The following EXT1 variants were observed in gnomAD, a reference collection of about 807,000 sequenced individuals.
The protein encoded by EXT1 is exostosin glycosyltransferase 1, also known as exostosin-1.
In EXT1, 20 loss-of-function variants were observed where a neutral mutation model predicts 82.5. The ratio of observed to expected loss-of-function variants is 0.24; its 90% CI spans 0.17 to 0.35. EXT1 has a LOEUF of 0.35. Among genes scored for constraint, EXT1 ranks in the 10% least tolerant of loss-of-function variants. The pLI, the probability that EXT1 is intolerant of heterozygous loss-of-function variation, is 1.00. For missense variants in EXT1, 757 were observed against 936.5 expected (o/e 0.81, Z 2.50); for synonymous variants, 348 against 350.8 (o/e 0.99, Z 0.09).
intron 1 of EXT1, among the ~76,000 whole-genome samples, chr8:117,978,109 G>A (rs1229581749): frequency 6.6e-6 from 1 of 152,198 alleles, no homozygotes; most frequent in African/African-American, 2.4e-5. Flanking sequence ...TCCCCAGGAT[G>A]TACAGGTGTC....
At chr8:117,873,581 G>C (rs917177610) in intron 1 of EXT1, among the ~76,000 whole-genome samples, 1 of 149,524 alleles carries the variant, frequency 6.7e-6, no homozygotes, top group African/African-American at 2.5e-5. Flanking sequence ...TCAGCCTCCC[G>C]AATAGCTAGG....
At chr8:117,856,289 C>A (rs1362761053) in intron 1 of EXT1, among the ~76,000 whole-genome samples, 2 of 148,280 alleles carry the variant, frequency 1.3e-5, no homozygotes, top group African/African-American at 5.0e-5. Flanking sequence ...GAGTCTCGCT[C>A]TGTTGCCCAG....
At chr8:117,942,477 C>T (rs1814302729) in intron 1 of EXT1, among the ~76,000 whole-genome samples, 1 of 152,020 alleles carries the variant, frequency 6.6e-6, no homozygotes, top group African/African-American at 2.4e-5. Context: ...TTTGGGAGGC[C>T]GAGGTGGGCA....
chr8:118,025,611 T>C (rs996204118), intron 1 of EXT1, among the ~76,000 whole-genome samples: 5 of 151,822 alleles, frequency 3.3e-5, no homozygotes, highest in Admixed American at 2.6e-4. Context: ...CACAAGACTG[T>C]AAAAGGAGAG....
At chr8:117,868,983 C>A (rs1227403863) in intron 1 of EXT1, among the ~76,000 whole-genome samples, 1 of 152,088 alleles carries the variant, frequency 6.6e-6, no homozygotes, top group Non-Finnish European at 1.5e-5. Context: ...TGGCCTGGGG[C>A]CCCCAGGACC....
intron 2 of EXT1, among the ~76,000 whole-genome samples, chr8:117,835,970 A>G (rs531516125): frequency 3.9e-5 from 6 of 152,336 alleles, no homozygotes; most frequent in Non-Finnish European, 7.4e-5. Flanking sequence ...GGTTTACCCC[A>G]ATGTCATGAG....
chr8:117,901,297 T>C (rs1813444060), intron 1 of EXT1, among the ~76,000 whole-genome samples: 1 of 152,240 alleles, frequency 6.6e-6, no homozygotes, highest in Non-Finnish European at 1.5e-5. Context: ...CACATTACTA[T>C]GGGCAGTTGT....
chr8:117,926,097 T>A (rs2129641376), intron 1 of EXT1, among the ~76,000 whole-genome samples: 1 of 152,330 alleles, frequency 6.6e-6, no homozygotes, highest in Non-Finnish European at 1.5e-5. Flanking sequence ...TGCTAGCCGC[T>A]AGCATGGTGA....
intron 1 of EXT1, among the ~76,000 whole-genome samples, chr8:118,021,601 T>C (rs1816103359): frequency 6.6e-6 from 1 of 152,240 alleles, no homozygotes; most frequent in African/African-American, 2.4e-5. Flanking sequence ...CCAGACTTTA[T>C]GTCTGACAGT....
At chr8:118,050,525 A>G (rs1255427349) in intron 1 of EXT1, among the ~76,000 whole-genome samples, 1 of 152,186 alleles carries the variant, frequency 6.6e-6, no homozygotes, top group East Asian at 1.9e-4. Context: ...TTCTGTGTAG[A>G]GTCAGAGAGT....
At chr8:117,930,227 A>C (rs1312132741) in intron 1 of EXT1, among the ~76,000 whole-genome samples, 1 of 152,216 alleles carries the variant, frequency 6.6e-6, no homozygotes. Context: ...GGACCAGTCA[A>C]CATCTTTCTT....
chr8:118,104,265 C>G (rs147184716), intron 1 of EXT1, among the ~76,000 whole-genome samples: 6 of 152,144 alleles, frequency 3.9e-5, no homozygotes, highest in Admixed American at 1.3e-4. Context: ...ATTACAGGAG[C>G]CTGGTCAAGG....
At chr8:118,024,312 C>G (rs1816165788) in intron 1 of EXT1, among the ~76,000 whole-genome samples, 1 of 151,960 alleles carries the variant, frequency 6.6e-6, no homozygotes, top group Non-Finnish European at 1.5e-5. Context: ...AAGAAAATAC[C>G]TAAGGTCTAC....
intron 1 of EXT1, among the ~76,000 whole-genome samples, chr8:118,042,584 T>C (rs12544344): frequency 0.46 from 69,931 of 151,996 alleles, 16,416 homozygotes; most frequent in Middle Eastern, 0.53. Flanking sequence ...CATGAGCCTC[T>C]GGGGGCACCT....
chr8:117,822,705 T>G, intron 4 of EXT1, 108 bp from the exon 5 acceptor site: 5 of 1,192,510 alleles, frequency 4.2e-6, no homozygotes, highest in Non-Finnish European at 4.9e-6. Context: ...GTAGTGACTC[T>G]ACCCTCCCTC....
At chr8:117,815,639 A>G (rs1811796796) in intron 7 of EXT1, among the ~76,000 whole-genome samples, 1 of 152,172 alleles carries the variant, frequency 6.6e-6, no homozygotes, top group Admixed American at 6.6e-5. Flanking sequence ...TTTAAAACGA[A>G]CAAACATGTT....
intron 1 of EXT1, among the ~76,000 whole-genome samples, chr8:117,848,319 G>A (rs912449091): frequency 2.0e-5 from 3 of 152,164 alleles, no homozygotes; most frequent in African/African-American, 7.2e-5. Context: ...AGGCCCACAA[G>A]TCTAGATTCT....
chr8:117,905,966 T>A (rs373013629), intron 1 of EXT1, among the ~76,000 whole-genome samples: 1 of 152,210 alleles, frequency 6.6e-6, no homozygotes, highest in African/African-American at 2.4e-5. Context: ...TTTCTCCCAA[T>A]CACAAATAAT....
chr8:118,084,265 T>C (rs1817381838), intron 1 of EXT1, among the ~76,000 whole-genome samples: 2 of 152,156 alleles, frequency 1.3e-5, no homozygotes, highest in Non-Finnish European at 2.9e-5. Flanking sequence ...TCTCCCAAGC[T>C]AGAATAAATA....
Sources: allele counts gnomAD v4.1 joint callset (sites outside exome capture counted in the v4.1 genomes callset), GRCh38; gene constraint gnomAD v4.1.1; transcripts MANE v1.5; gene names NCBI Gene and HGNC (gene_info 2026-07-23, HGNC 2026-07-21).